PTK2: variants seen among roughly 807,000 people sequenced by gnomAD.
PTK2 encodes the protein protein tyrosine kinase 2.
Under a neutral mutation model 150.1 loss-of-function variants are expected in PTK2, and 45 were observed. The ratio of observed to expected loss-of-function variants is 0.30; its 90% CI spans 0.24 to 0.38. The LOEUF is 0.38. Among genes scored for constraint, PTK2 ranks in the 10% least tolerant of loss-of-function variants. The pLI is 1.00. For synonymous variants in PTK2, 432 were observed against 449.2 expected (o/e 0.96, Z 0.48); for missense variants, 919 against 1,307.3 (o/e 0.70, Z 4.58).
intron 1 of PTK2, 121 bp downstream of exon 1, chr8:141,001,004 T>A (rs891461913): frequency 1.3e-5 from 2 of 151,314 alleles, no homozygotes; most frequent in Admixed American, 1.3e-4. Flanking sequence ...GCCCCGGGAC[T>A]GGTTGGGCGG....
At chr8:140,662,836 T>C (rs766012931) in intron 31 of PTK2, 9 of 476,804 alleles carry the variant, frequency 1.9e-5, no homozygotes, top group South Asian at 8.5e-5. Flanking sequence ...CAAATGTTTA[T>C]AGGATATCCC....
At chr8:140,804,228 C>CTTTTTTTTTTTT (rs11449247) in intron 10 of PTK2, among the ~76,000 whole-genome samples, 1 of 147,212 alleles carries the variant, frequency 6.8e-6, no homozygotes, top group Non-Finnish European at 1.5e-5. Context: ...TTGGCTTCTT[C>CTTTTTTTTTTTT]TTTTTTTTTT....
chr8:140,821,256 C>T (rs559574726), intron 8 of PTK2: 1 of 152,350 alleles, frequency 6.6e-6, no homozygotes, highest in East Asian at 1.9e-4. Context: ...GCTCGCTCTG[C>T]TCTTGCACAC....
rs150915055 is a variant in PTK2, at chr8:140,874,464, T to A, written c.362+5007A>T. ...CTGCAGCTGCCCTCACATACCCACC[T>A]ATGAACTTAGATGTCTGCAGGTGAC... is the stretch of plus-strand genomic sequence containing the variant. On this transcript the variant is annotated intron_variant, in intron 4 of 31. Coordinates refer to ENST00000522684, the Ensembl canonical transcript of PTK2. Among the ~76,000 whole-genome samples, 303 of 152,304 alleles carry A rather than the reference T, an allele frequency of 2.0e-3. 1 individual carries two copies. The highest frequency in any genetic ancestry group is 6.8e-3 in the African/African-American group (284 of 41,572).
chr8:140,961,522 C>T (rs1197333580), intron 1 of PTK2, among the ~76,000 whole-genome samples: 1 of 151,856 alleles, frequency 6.6e-6, no homozygotes, highest in Non-Finnish European at 1.5e-5. Flanking sequence ...ATTAGCCGGG[C>T]GTGGTGGCGG....
intron 1 of PTK2, among the ~76,000 whole-genome samples, chr8:140,980,690 G>A (rs544172852): frequency 1.3e-5 from 2 of 151,082 alleles, no homozygotes; most frequent in South Asian, 2.1e-4. Flanking sequence ...ACAGGTACTT[G>A]TCCTTCAAGT....
intron 1 of PTK2, among the ~76,000 whole-genome samples, chr8:140,939,753 C>A (rs546858402): frequency 1.3e-5 from 2 of 152,284 alleles, no homozygotes; most frequent in African/African-American, 4.8e-5. Context: ...TAAATCATTT[C>A]GCAAAAGGCT....
intron 16 of PTK2, among the ~76,000 whole-genome samples, chr8:140,755,438 C>T (rs1040450052): frequency 2.6e-5 from 4 of 152,240 alleles, no homozygotes; most frequent in South Asian, 4.1e-4. Context: ...GCGGCCACAC[C>T]GTCCTCCTGG....
intron 19 of PTK2, 61 bp from the exon 23 acceptor site, chr8:140,743,391 A>C: frequency 4.2e-4 from 568 of 1,361,150 alleles, no homozygotes; most frequent in Non-Finnish European, 5.3e-4. Flanking sequence ...ATACAAGCTC[A>C]TATATAAAGA....
At chr8:140,966,108 C>A (rs2100185175) in intron 1 of PTK2, among the ~76,000 whole-genome samples, 1 of 152,198 alleles carries the variant, frequency 6.6e-6, no homozygotes, top group South Asian at 2.1e-4. Flanking sequence ...TTCTGACACT[C>A]TTGGAACTGG....
chr8:140,963,782 C>T lies in PTK2; in HGVS notation c.-122+37343G>A, dbSNP rs117877810. On this transcript the variant is annotated intron_variant, in intron 1 of 31. Transcript: ENST00000522684. ...TCAAAGCATACCTTCTAAGCCTTTA[C>T]CTCTTCCTCCTCAAAATATTTCTCA... Among the ~76,000 whole-genome samples, 98 of 152,264 alleles carry T rather than the reference C, an allele frequency of 6.4e-4. 1 individual carries two copies. The East Asian group carries it at 0.015, about 24-fold the overall frequency.
chr8:140,896,797 G>GGGGGT (rs1555343208), intron 2 of PTK2, among the ~76,000 whole-genome samples: 3 of 133,982 alleles, frequency 2.2e-5, no homozygotes, highest in African/African-American at 5.1e-5. Context: ...ACGGGGGGGG[G>GGGGGT]GGGTGGGTAA....
chr8:140,964,213 G>C (rs1368925399), intron 1 of PTK2, among the ~76,000 whole-genome samples: 1 of 152,068 alleles, frequency 6.6e-6, no homozygotes, highest in Non-Finnish European at 1.5e-5. Flanking sequence ...TTAGCCCACT[G>C]AACTATAATC....
At chr8:140,991,338 T>C (rs1017013017) in intron 1 of PTK2, among the ~76,000 whole-genome samples, 3 of 152,192 alleles carry the variant, frequency 2.0e-5, no homozygotes, top group Non-Finnish European at 4.4e-5. Context: ...CACCAACATG[T>C]ACACACACTC....
At chr8:140,838,072 G>C (rs955964420) in intron 7 of PTK2, among the ~76,000 whole-genome samples, 2 of 151,764 alleles carry the variant, frequency 1.3e-5, no homozygotes, top group African/African-American at 4.8e-5. Context: ...AAAAAAAAAA[G>C]TACAGTAAAG....
rs113386945 is a variant in PTK2 at position 140,665,714 on chromosome 8, A to T, written c.2866-717T>A. 3.5e-3 allele frequency among the ~76,000 whole-genome samples: 535 copies of T among 152,354 alleles called. 7 individuals are homozygous for T. The highest frequency in any genetic ancestry group is 0.012 in the African/African-American group (513 of 41,590). ...ACCAGTAAGAAAATGATAGTTACTT[A>T]TAATTGGATCAACATACAAAAAGAA... is the stretch of plus-strand genomic sequence containing the variant. On this transcript the variant is annotated intron_variant, in intron 30 of 31. Coordinates refer to ENST00000522684, the Ensembl canonical transcript of PTK2.
chr8:140,864,966 T>C (rs1389523575), intron 4 of PTK2, among the ~76,000 whole-genome samples: 1 of 152,204 alleles, frequency 6.6e-6, no homozygotes, highest in African/African-American at 2.4e-5. Context: ...ATACATCCAT[T>C]AGCTTTAGTA....
At chr8:140,663,485 G>C (rs2083981316) in intron 31 of PTK2, among the ~76,000 whole-genome samples, 3 of 152,226 alleles carry the variant, frequency 2.0e-5, no homozygotes, top group Admixed American at 2.0e-4. Flanking sequence ...CCTGGACTCT[G>C]TAGTGGGGAC....
chr8:140,678,086 G>A (rs1156348069), intron 27 of PTK2, among the ~76,000 whole-genome samples: 1 of 152,146 alleles, frequency 6.6e-6, no homozygotes, highest in Non-Finnish European at 1.5e-5. Context: ...TCACTCTGTC[G>A]CCCAGGCTGG....
Sources: allele counts gnomAD v4.1 joint callset (sites outside exome capture counted in the v4.1 genomes callset), GRCh38; gene constraint gnomAD v4.1.1; transcripts MANE v1.5; gene names NCBI Gene and HGNC (gene_info 2026-07-23, HGNC 2026-07-21).